NBEA: variants seen among roughly 807,000 people sequenced by gnomAD.
NBEA encodes neurobeachin, also known as lysosomal-trafficking regulator 2.
Under a neutral mutation model 343.4 loss-of-function variants are expected in NBEA, and 44 were observed. The observed-to-expected ratio is 0.13, with a 90% CI of 0.10 to 0.16. The LOEUF (loss-of-function observed/expected upper bound fraction) is 0.16, where lower values mean the gene tolerates loss of function less well. Among genes scored for constraint, NBEA ranks in the 10% least tolerant of loss-of-function variants. The pLI is 1.00. For synonymous variants in NBEA, 1,175 were observed against 1,238.7 expected, an observed-to-expected ratio of 0.95 and a Z score of 1.08; for missense variants, 2,555 against 3,631.3, an observed-to-expected ratio of 0.70 and a Z score of 7.62.
At chr13:35,460,971 C>T (rs2046872902) in intron 40 of NBEA, among the ~76,000 whole-genome samples, 1 of 152,210 alleles carries the variant, frequency 6.6e-6, no homozygotes, top group Admixed American at 6.5e-5. Flanking sequence ...TGAGGGAACT[C>T]ACATGCTATC....
chr13:34,975,048 C>A (rs2060119365), intron 1 of NBEA, among the ~76,000 whole-genome samples: 1 of 152,114 alleles, frequency 6.6e-6, no homozygotes, highest in Non-Finnish European at 1.5e-5. Context: ...CCACAATTTA[C>A]ATATGGGGAA....
intron 45 of NBEA, among the ~76,000 whole-genome samples, chr13:35,581,473 GT>G (rs2153036426): frequency 1.3e-5 from 2 of 151,772 alleles, no homozygotes; most frequent in African/African-American, 4.8e-5. Flanking sequence ...GGTGTTGTTT[GT>G]TTTTTTCTTG....
intron 6 of NBEA, among the ~76,000 whole-genome samples, chr13:35,052,628 C>T (rs1488454105): frequency 6.6e-6 from 1 of 150,772 alleles, no homozygotes; most frequent in East Asian, 1.9e-4. Flanking sequence ...TTTTTATTTT[C>T]TTTAGTCAAA....
At chr13:35,180,369 T>TA (rs1196511621) in intron 28 of NBEA, among the ~76,000 whole-genome samples, 1 of 151,766 alleles carries the variant, frequency 6.6e-6, no homozygotes. Context: ...ACTTGATACT[T>TA]ATTGTTTCCC....
chr13:35,395,092 A>G (rs969529731), intron 38 of NBEA, among the ~76,000 whole-genome samples: 1 of 152,148 alleles, frequency 6.6e-6, no homozygotes, highest in African/African-American at 2.4e-5. Flanking sequence ...CTTCAACTCC[A>G]TTGTAATCAG....
intron 46 of NBEA, among the ~76,000 whole-genome samples, chr13:35,592,759 T>C: frequency 6.6e-6 from 1 of 152,092 alleles, no homozygotes; most frequent in South Asian, 2.1e-4. Context: ...GACTCTCTCC[T>C]AATCACTCCC....
chr13:35,191,485 A>G (rs2072190725), intron 30 of NBEA, among the ~76,000 whole-genome samples: 1 of 152,146 alleles, frequency 6.6e-6, no homozygotes, highest in African/African-American at 2.4e-5. Flanking sequence ...GCAAGCAAAC[A>G]AAATAAATCA....
chr13:35,244,494 C>T (rs2030872025), intron 34 of NBEA, among the ~76,000 whole-genome samples: 2 of 151,966 alleles, frequency 1.3e-5, no homozygotes, highest in Admixed American at 1.3e-4. Flanking sequence ...TATACCAGTA[C>T]CATGCTGTTT....
intron 35 of NBEA, among the ~76,000 whole-genome samples, chr13:35,307,632 T>G (rs1484216530): frequency 6.6e-6 from 1 of 152,072 alleles, no homozygotes; most frequent in Non-Finnish European, 1.5e-5. Flanking sequence ...AGAGTCTTAG[T>G]GTACAAACAC....
chr13:35,141,451 G>C (rs2068087562), intron 17 of NBEA, among the ~76,000 whole-genome samples: 1 of 152,092 alleles, frequency 6.6e-6, no homozygotes, highest in Non-Finnish European at 1.5e-5. Flanking sequence ...ATTTTTAGTA[G>C]AGATGGGGTT....
chr13:35,012,562 G>A (rs1332666502), intron 1 of NBEA, among the ~76,000 whole-genome samples: 1 of 152,202 alleles, frequency 6.6e-6, no homozygotes, highest in Non-Finnish European at 1.5e-5. Flanking sequence ...GAGATAGGCG[G>A]TGTTATTCTG....
intron 41 of NBEA, among the ~76,000 whole-genome samples, chr13:35,504,829 G>A (rs1313905926): frequency 4.6e-5 from 7 of 151,842 alleles, no homozygotes; most frequent in South Asian, 4.2e-4. Context: ...GGCTAGTCTC[G>A]AACTCCTGGG....
chr13:35,157,861 A>T (rs926909764), intron 21 of NBEA, among the ~76,000 whole-genome samples: 7 of 152,144 alleles, frequency 4.6e-5, no homozygotes, highest in Non-Finnish European at 7.4e-5. Context: ...TAGAAGAAGC[A>T]TGGGTGTCAG....
At chr13:34,966,176 T>C (rs752919270) in intron 1 of NBEA, among the ~76,000 whole-genome samples, 2 of 152,104 alleles carry the variant, frequency 1.3e-5, no homozygotes, top group Non-Finnish European at 2.9e-5. Context: ...CTAAGAACTT[T>C]GGGCAATATG....
intron 55 of NBEA, among the ~76,000 whole-genome samples, chr13:35,660,718 A>G (rs1218899875): frequency 6.6e-6 from 1 of 152,140 alleles, no homozygotes. Context: ...CAGCTCCACA[A>G]CTGCCACTAA....
chr13:35,410,825 A>G (rs190881618), intron 38 of NBEA, among the ~76,000 whole-genome samples: 4 of 151,438 alleles, frequency 2.6e-5, no homozygotes. Context: ...TTCCCATAGA[A>G]ACTCTGAAAA....
Position 35,233,979 on chromosome 13 carries a change from G to T in NBEA, c.5776+1360G>T, listed in dbSNP as rs917394598. Among the ~76,000 whole-genome samples the T allele has an allele frequency of 5.3e-5, 8 of 152,216 alleles. No individual in the cohort carries two copies. The East Asian group carries it at 1.5e-3, about 29-fold the overall frequency. On this transcript the variant is annotated intron_variant, in intron 34 of 58. Transcript: ENST00000379939. ...AAGTAATAAAACTTACTTAATAAGT[G>T]CCATACAGCTTATTAGATGAGGAGT... is the stretch of plus-strand genomic sequence containing the variant.
At chr13:34,980,975 C>T (rs1039665192) in intron 1 of NBEA, among the ~76,000 whole-genome samples, 57 of 152,132 alleles carry the variant, frequency 3.7e-4, no homozygotes, top group African/African-American at 9.9e-4. Context: ...GCATACAATT[C>T]AATGAATTTT....
At chr13:35,302,391 A>G (rs1196558797) in intron 35 of NBEA, among the ~76,000 whole-genome samples, 1 of 152,186 alleles carries the variant, frequency 6.6e-6, no homozygotes, top group African/African-American at 2.4e-5. Flanking sequence ...AGCAGTTCAT[A>G]ATTGTTCATG....
Sources: allele counts gnomAD v4.1 joint callset (sites outside exome capture counted in the v4.1 genomes callset), GRCh38; gene constraint gnomAD v4.1.1; transcripts MANE v1.5; gene names NCBI Gene and HGNC (gene_info 2026-07-23, HGNC 2026-07-21).